The following ADARB2 variants were observed in gnomAD, a reference collection of about 807,000 sequenced individuals.
ADARB2 encodes the protein inactive double-stranded RNA-specific editase B2.
In ADARB2, 25 loss-of-function variants were observed where a neutral mutation model predicts 62.2. That is an observed-to-expected ratio of 0.40 (90% CI 0.29 to 0.56). The LOEUF (loss-of-function observed/expected upper bound fraction) is 0.56, where lower values mean the gene tolerates loss of function less well. Ranked by LOEUF, ADARB2 falls within the 20% of genes least tolerant of loss-of-function variation. The probability of loss-of-function intolerance (pLI) is 0.43; values close to 1 mark genes in which losing one functional copy is unlikely to be tolerated. For synonymous variants in ADARB2, 572 were observed against 500.8 expected (o/e 1.14, Z -1.90); for missense variants, 1,071 against 1,077.4 (o/e 0.99, Z 0.08).
intron 3 of ADARB2, among the ~76,000 whole-genome samples, chr10:1,298,987 C>T (rs556585295): frequency 6.6e-6 from 1 of 151,830 alleles, no homozygotes; most frequent in South Asian, 2.1e-4. Flanking sequence ...TCAAGTGATC[C>T]ACCTGCCTTG....
chr10:1,402,165 A>G (rs1178806737), intron 1 of ADARB2, among the ~76,000 whole-genome samples: 1 of 152,196 alleles, frequency 6.6e-6, no homozygotes, highest in African/African-American at 2.4e-5. Flanking sequence ...GAAGCAGCAG[A>G]CAGACCTCAT....
chr10:1,573,887 C>T (rs567782949), intron 1 of ADARB2, among the ~76,000 whole-genome samples: 6 of 152,206 alleles, frequency 3.9e-5, no homozygotes, highest in African/African-American at 1.4e-4. Context: ...CAGTGACACC[C>T]AGTAAGATGG....
At chr10:1,185,452 T>C (rs116671884) in intron 8 of ADARB2, among the ~76,000 whole-genome samples, 2,716 of 152,242 alleles carry the variant, frequency 0.018, 98 homozygotes, top group African/African-American at 0.061. Context: ...GTAAGCAACA[T>C]GCAGCTCCCT....
At chr10:1,560,950 G>A (rs751196322) in intron 1 of ADARB2, among the ~76,000 whole-genome samples, 3 of 152,148 alleles carry the variant, frequency 2.0e-5, no homozygotes, top group Non-Finnish European at 4.4e-5. Flanking sequence ...TGAGGGCCTC[G>A]TGTACTACAG....
At chr10:1,229,439 A>G (rs558772314) in intron 6 of ADARB2, among the ~76,000 whole-genome samples, 1 of 152,104 alleles carries the variant, frequency 6.6e-6, no homozygotes, top group East Asian at 1.9e-4. Context: ...GCTCCTAGAA[A>G]CCCCAAGTCA....
At chr10:1,463,560 T>G (rs1831205690) in intron 1 of ADARB2, among the ~76,000 whole-genome samples, 2 of 152,218 alleles carry the variant, frequency 1.3e-5, no homozygotes, top group African/African-American at 4.8e-5. Flanking sequence ...ATACCTTCAT[T>G]TTTTCTAGTG....
intron 1 of ADARB2, among the ~76,000 whole-genome samples, chr10:1,383,139 T>C (rs1832498650): frequency 6.6e-6 from 1 of 152,194 alleles, no homozygotes; most frequent in African/African-American, 2.4e-5. Context: ...TTAGGGGGCA[T>C]CTGGGTGCAC....
intron 1 of ADARB2, among the ~76,000 whole-genome samples, chr10:1,516,088 G>A (rs1832005312): frequency 1.3e-5 from 2 of 152,228 alleles, no homozygotes; most frequent in Admixed American, 6.5e-5. Flanking sequence ...GACCAGGGGT[G>A]CCCTGACCAC....
intron 1 of ADARB2, among the ~76,000 whole-genome samples, chr10:1,626,658 G>A (rs1833773428): frequency 2.0e-5 from 3 of 152,076 alleles, no homozygotes; most frequent in Admixed American, 2.0e-4. Flanking sequence ...CCCCACACTC[G>A]ACATGGAAGA....
chr10:1,650,962 G>A (rs1161118191), intron 1 of ADARB2, among the ~76,000 whole-genome samples: 1 of 152,216 alleles, frequency 6.6e-6, no homozygotes, highest in African/African-American at 2.4e-5. Context: ...GACTTTAGCA[G>A]CTTGGTCTCC....
intron 6 of ADARB2, among the ~76,000 whole-genome samples, chr10:1,230,300 C>T (rs772322700): frequency 1.1e-4 from 17 of 152,124 alleles, no homozygotes; most frequent in Non-Finnish European, 2.1e-4. Context: ...AGGGTTAATC[C>T]ATAGGAGGGA....
chr10:1,647,384 T>C (rs1053182214), intron 1 of ADARB2, among the ~76,000 whole-genome samples: 1 of 151,984 alleles, frequency 6.6e-6, no homozygotes, highest in Middle Eastern at 3.4e-3. Flanking sequence ...TATATATGTA[T>C]GCGTATACAT....
At chr10:1,435,719 C>G (rs1411545416) in intron 1 of ADARB2, among the ~76,000 whole-genome samples, 1 of 152,244 alleles carries the variant, frequency 6.6e-6, no homozygotes, top group Non-Finnish European at 1.5e-5. Context: ...CAGCTCGGGT[C>G]CTGTCTTGTC....
chr10:1,521,528 C>G (rs1290190671), intron 1 of ADARB2, among the ~76,000 whole-genome samples: 1 of 152,198 alleles, frequency 6.6e-6, no homozygotes, highest in Non-Finnish European at 1.5e-5. Context: ...GTCAGACATG[C>G]CTCATGATGC....
intron 3 of ADARB2, among the ~76,000 whole-genome samples, chr10:1,289,447 G>A (rs956604144): frequency 6.6e-6 from 1 of 152,204 alleles, no homozygotes; most frequent in Non-Finnish European, 1.5e-5. Context: ...AGATACTTTT[G>A]GGTTCACGTT....
chr10:1,227,581 G>T (rs1200861377), intron 6 of ADARB2, among the ~76,000 whole-genome samples: 1 of 152,200 alleles, frequency 6.6e-6, no homozygotes, highest in African/African-American at 2.4e-5. Context: ...AAATGAGGAT[G>T]TGCTTTAGAA....
intron 1 of ADARB2, among the ~76,000 whole-genome samples, chr10:1,670,526 T>C (rs1205874384): frequency 2.0e-5 from 3 of 152,226 alleles, no homozygotes; most frequent in Non-Finnish European, 4.4e-5. Context: ...CTGGGAGCAG[T>C]TGTCAGATGC....
At position 1,555,338 on chromosome 10, in the gene ADARB2, G is replaced by A. The variant is rs569612398; in HGVS notation, c.101-176178C>T. The stretch of plus-strand genomic sequence containing the variant: ...GCGAATTTACATTTCTACCAACAGC[G>A]AATAAGTGTTCCCTTTTCTCTGCAA... On this transcript the variant is annotated intron_variant, in intron 1 of 9. Coordinates refer to ENST00000381312, the MANE Select transcript of ADARB2 (RefSeq NM_018702.4). Among the ~76,000 whole-genome samples, 8 of 152,316 alleles carry A rather than the reference G, an allele frequency of 5.3e-5. No individual in the cohort carries two copies. The South Asian group carries it at 1.0e-3, about 20-fold the overall frequency.
chr10:1,634,728 T>A (rs1012150568), intron 1 of ADARB2, among the ~76,000 whole-genome samples: 6 of 152,200 alleles, frequency 3.9e-5, no homozygotes, highest in Non-Finnish European at 2.9e-5. Flanking sequence ...GAGTTATATG[T>A]ATGTGTAATA....
Sources: gnomAD v4.1 joint callset for allele counts (sites outside exome capture counted in the v4.1 genomes callset) on GRCh38, gnomAD v4.1.1 for gene constraint, MANE v1.5 for transcripts, NCBI Gene and HGNC (gene_info 2026-07-23, HGNC 2026-07-21) for gene names.